The following HIVEP2 variants were observed in gnomAD, a reference collection of about 807,000 sequenced individuals.
HIVEP2 encodes the protein HIVEP zinc finger 2.
A neutral mutation model predicts 180.7 loss-of-function variants in HIVEP2; 14 were observed. That is an observed-to-expected ratio of 0.08 (90% CI 0.05 to 0.12). The LOEUF is 0.12. Among genes scored for constraint, HIVEP2 ranks in the 10% least tolerant of loss-of-function variants. HIVEP2 has a pLI of 1.00. For missense variants in HIVEP2, 2,579 were observed against 3,008.5 expected (o/e 0.86, Z 3.34); for synonymous variants, 1,184 against 1,136.4 (o/e 1.04, Z -0.84).
intron 1 of HIVEP2, among the ~76,000 whole-genome samples, chr6:142,867,577 C>G (rs1776171978): frequency 6.6e-6 from 1 of 152,140 alleles, no homozygotes; most frequent in Non-Finnish European, 1.5e-5. Flanking sequence ...ACAGCTGCAG[C>G]TGATATATTA....
At chr6:142,932,046 G>C (rs1176232417) in intron 1 of HIVEP2, among the ~76,000 whole-genome samples, 1 of 152,134 alleles carries the variant, frequency 6.6e-6, no homozygotes, top group Admixed American at 6.5e-5. Flanking sequence ...TCCTCGGCCA[G>C]GGTTGATGTT....
Position 142,769,930 on chromosome 6 carries a change from C to T in HIVEP2, c.4809G>A (p.Arg1603=). The T allele has an allele frequency of 6.2e-7, 1 of 1,614,062 alleles. No individual in the cohort carries two copies. Among genetic ancestry groups the T allele is most frequent in the Non-Finnish European group, 8.5e-7 (1 of 1,180,042 alleles). Reference sequence around the variant, plus strand: ...CCATGCGGACCAGCATGCCAACAGGCCGCTTGTGGCCCTTCCCTTCCTCTT... The same window carrying T: ...CCATGCGGACCAGCATGCCAACAGGTCGCTTGTGGCCCTTCCCTTCCTCTT... The part of the protein sequence containing the change: ...QLEEEGKGHK[R]PVGMLVRMAS... The change falls in exon 5 of 10, where the codon CGG becomes CGA. Residue 1603 remains arginine (R), a synonymous_variant. Coordinates refer to ENST00000367603, the MANE Select transcript of HIVEP2 (RefSeq NM_006734.4).
chr6:142,886,680 T>C (rs980391038), intron 1 of HIVEP2, among the ~76,000 whole-genome samples: 2 of 152,188 alleles, frequency 1.3e-5, no homozygotes, highest in Non-Finnish European at 2.9e-5. Context: ...CCCAGTTAAT[T>C]ATTAGCCATA....
At chr6:142,808,429 G>A (rs752688553) in intron 2 of HIVEP2, among the ~76,000 whole-genome samples, 1 of 151,162 alleles carries the variant, frequency 6.6e-6, no homozygotes, top group African/African-American at 2.4e-5. Flanking sequence ...CAGAGGCAAG[G>A]AGGGAGGGAG....
At chr6:142,869,232 T>C (rs902679228) in intron 1 of HIVEP2, among the ~76,000 whole-genome samples, 1 of 152,170 alleles carries the variant, frequency 6.6e-6, no homozygotes, top group East Asian at 1.9e-4. Flanking sequence ...CTGGCCTAGA[T>C]GTTGCTTTAA....
intron 1 of HIVEP2, among the ~76,000 whole-genome samples, chr6:142,882,513 C>G (rs1776597894): frequency 6.6e-6 from 1 of 151,510 alleles, no homozygotes; most frequent in Non-Finnish European, 1.5e-5. Context: ...ACTTAGGAGG[C>G]TGAGGCAGGA....
intron 1 of HIVEP2, among the ~76,000 whole-genome samples, chr6:142,915,342 C>A (rs1174838285): frequency 6.6e-6 from 1 of 152,174 alleles, no homozygotes; most frequent in East Asian, 1.9e-4. Flanking sequence ...ATGGCGAACA[C>A]TACATGAAGA....
chr6:142,773,486 G>A lies in HIVEP2; in HGVS notation c.1253C>T (p.Ala418Val), dbSNP rs751869466. The A allele has an allele frequency of 3.5e-5, 56 of 1,614,100 alleles. No individual in the cohort carries two copies. The highest frequency in any genetic ancestry group is 4.7e-5 in the Non-Finnish European group (55 of 1,180,040). ...AAAGATGATTTCTTCATAAGACTTT[G>A]CATTTGTGTTGGGAGGGCTTATTTG... The part of the protein sequence containing the change: ...EQQISPPNTN[A>V]KSYEEIIFGK... Residue 418 changes from alanine (A) to valine (V), a missense_variant, in exon 5 of 10, where the codon GCA becomes GTA. Physicochemically the swap from Ala to Val is moderately conservative, Grantham distance 64 (BLOSUM62 0). Transcript: ENST00000367603.
intron 2 of HIVEP2, among the ~76,000 whole-genome samples, chr6:142,813,042 A>T (rs1776738364): frequency 6.6e-6 from 1 of 152,216 alleles, no homozygotes; most frequent in South Asian, 2.1e-4. Flanking sequence ...ATCATTCAAG[A>T]TCAACTGAAC....
At chr6:142,765,453 T>C (rs1392567606) in intron 6 of HIVEP2, among the ~76,000 whole-genome samples, 1 of 152,224 alleles carries the variant, frequency 6.6e-6, no homozygotes, top group East Asian at 1.9e-4. Flanking sequence ...ATAATAGAAT[T>C]CTTCATTGCA....
chr6:142,940,665 A>G (rs1778154184), intron 1 of HIVEP2, among the ~76,000 whole-genome samples: 1 of 152,164 alleles, frequency 6.6e-6, no homozygotes, highest in Non-Finnish European at 1.5e-5. Context: ...GGTTCGGGTC[A>G]TTATTTATAC....
At position 142,753,715 on chromosome 6, in the gene HIVEP2, A is replaced by T. The variant is rs749221130; in HGVS notation, c.6733T>A (p.Ser2245Thr). The T allele has an allele frequency of 6.2e-7, 1 of 1,614,120 alleles. No homozygotes were observed. The change falls in exon 10 of 10, where the codon TCC (serine) becomes ACC (threonine). Residue 2245 changes from serine to threonine, a missense_variant. Physicochemically the swap from Ser to Thr is moderately conservative, Grantham distance 58 (BLOSUM62 1). This residue lies in a region of HIVEP2 where 660 missense variants were observed against 731.7 expected (regional missense o/e 0.90). Transcript: ENST00000367603. ...AATGTGGGTGAAGGATGTAAACTGG[A>T]AAGGGCTGGCGGCATGGAGTGAACC... Reference protein sequence around the residue: ...QMVHSMPPALSSLHPSPTLPL... With the variant: ...QMVHSMPPALTSLHPSPTLPL...
chr6:142,784,493 T>C (rs2114698556), intron 2 of HIVEP2, among the ~76,000 whole-genome samples: 1 of 152,286 alleles, frequency 6.6e-6, no homozygotes, highest in African/African-American at 2.4e-5. Context: ...GCAGTAGCAC[T>C]TCAGGACACC....
intron 1 of HIVEP2, among the ~76,000 whole-genome samples, chr6:142,863,086 A>G (rs1030475900): frequency 3.5e-5 from 5 of 144,832 alleles, no homozygotes; most frequent in Admixed American, 2.8e-4. Context: ...TATGTAATAT[A>G]TAATTACATA....
chr6:142,882,627 G>A lies in HIVEP2; in HGVS notation c.-640-45580C>T, dbSNP rs1250571393. Among the ~76,000 whole-genome samples the A allele has an allele frequency of 2.6e-5, 4 of 151,240 alleles. No homozygotes were observed. In the East Asian group the frequency reaches 7.8e-4, roughly 29 times the overall value. On this transcript the variant is annotated intron_variant, in intron 1 of 9. Transcript: ENST00000367603. ...AGACTCTGTCTATAAAAAACAGAAA[G>A]GGGGGGAGGGGAGGGGAGGGAAAAG...
chr6:142,828,606 T>C (rs144570931), intron 2 of HIVEP2, among the ~76,000 whole-genome samples: 1 of 152,202 alleles, frequency 6.6e-6, no homozygotes, highest in Non-Finnish European at 1.5e-5. Context: ...TTGGCTAATT[T>C]TTGTATTTAG....
chr6:142,782,936 T>C (rs1032545060), intron 3 of HIVEP2, among the ~76,000 whole-genome samples: 2 of 152,262 alleles, frequency 1.3e-5, no homozygotes, highest in Non-Finnish European at 2.9e-5. Context: ...TTTCTCATTA[T>C]ACAGCAAAAG....
chr6:142,940,673 T>C (rs1390262338), intron 1 of HIVEP2, among the ~76,000 whole-genome samples: 1 of 152,256 alleles, frequency 6.6e-6, no homozygotes, highest in Non-Finnish European at 1.5e-5. Flanking sequence ...TCATTATTTA[T>C]ACCCTGCGTG....
chr6:142,906,313 TAGTAGAACCA>T (rs1202643373), intron 1 of HIVEP2, among the ~76,000 whole-genome samples: 2 of 151,950 alleles, frequency 1.3e-5, no homozygotes, highest in Admixed American at 1.3e-4. Context: ...CATTGAGAAA[TAGTAGAACCA>T]AGTAGATATA....
Sources: allele counts gnomAD v4.1 joint callset (sites outside exome capture counted in the v4.1 genomes callset), GRCh38; gene constraint gnomAD v4.1.1; regional missense constraint gnomAD v4.1.1; transcripts MANE v1.5; gene names NCBI Gene and HGNC (gene_info 2026-07-23, HGNC 2026-07-21).